The following GUCA1C variants were observed in gnomAD, a reference collection of about 807,000 sequenced individuals.
GUCA1C encodes guanylate cyclase activator 1C, also known as guanylyl cyclase-activating protein 3.
Under a neutral mutation model 16.2 loss-of-function variants are expected in GUCA1C, and 15 were observed. That is an observed-to-expected ratio of 0.93 (90% CI 0.62 to 1.43). The LOEUF (loss-of-function observed/expected upper bound fraction) is 1.43, where lower values mean the gene tolerates loss of function less well. GUCA1C is among the 40% of genes most tolerant of loss of function. The pLI, the probability that GUCA1C is intolerant of heterozygous loss-of-function variation, is 0.00. For synonymous variants in GUCA1C, 78 were observed against 85.4 expected, an observed-to-expected ratio of 0.91 and a Z score of 0.48; for missense variants, 275 against 244.8, an observed-to-expected ratio of 1.12 and a Z score of -0.82.
chr3:108,949,533 G>A (rs6787981), intron 1 of GUCA1C, among the ~76,000 whole-genome samples: 4,755 of 152,256 alleles, frequency 0.031, 232 homozygotes, highest in African/African-American at 0.11. Flanking sequence ...CAGGCAGCAT[G>A]GACTCAGGGC....
intron 1 of GUCA1C, among the ~76,000 whole-genome samples, chr3:108,952,566 C>A (rs1946905314): frequency 6.6e-6 from 1 of 152,110 alleles, no homozygotes; most frequent in South Asian, 2.1e-4. Context: ...TGCCTGTTAC[C>A]TCCTTTTAAG....
chr3:108,928,093 C>T (rs1231695153), intron 1 of GUCA1C, among the ~76,000 whole-genome samples: 2 of 152,162 alleles, frequency 1.3e-5, no homozygotes, highest in African/African-American at 4.8e-5. Flanking sequence ...TGGATACCAC[C>T]ACAGTTTTTC....
intron 1 of GUCA1C, among the ~76,000 whole-genome samples, chr3:108,923,561 G>A (rs1946590996): frequency 6.6e-6 from 1 of 152,140 alleles, no homozygotes; most frequent in Non-Finnish European, 1.5e-5. Context: ...TGGCCTTATA[G>A]TATAATTTGA....
At chr3:108,908,361 A>AC (rs1434658798) in intron 3 of GUCA1C, 152 bp from the exon 4 acceptor site, 3 of 477,074 alleles carry the variant, frequency 6.3e-6, no homozygotes, top group South Asian at 4.3e-5. Context: ...TTAAACAAAA[A>AC]AAAAAAAAAA....
intron 1 of GUCA1C, among the ~76,000 whole-genome samples, chr3:108,925,904 T>C (rs902663556): frequency 7.9e-5 from 12 of 152,098 alleles, no homozygotes; most frequent in African/African-American, 2.9e-4. Flanking sequence ...CTGACCAACA[T>C]GGTGAAACCC....
chr3:108,926,977 T>C (rs1024808803), intron 1 of GUCA1C, among the ~76,000 whole-genome samples: 2 of 152,208 alleles, frequency 1.3e-5, no homozygotes, highest in Admixed American at 1.3e-4. Context: ...GTATCTTTCC[T>C]TCATTTATGA....
chr3:108,949,322 T>C (rs1304538768), intron 1 of GUCA1C, among the ~76,000 whole-genome samples: 4 of 152,148 alleles, frequency 2.6e-5, no homozygotes, highest in Non-Finnish European at 5.9e-5. Context: ...TGTCAGACCA[T>C]GGTGTCAATC....
upstream of GUCA1C, among the ~76,000 whole-genome samples, chr3:108,954,297 T>A: frequency 6.6e-6 from 1 of 152,308 alleles, no homozygotes; most frequent in South Asian, 2.1e-4. Context: ...GAAAAAATCA[T>A]ACATTGAGTA....
At chr3:108,949,048 A>G (rs1304562763) in intron 1 of GUCA1C, among the ~76,000 whole-genome samples, 1 of 152,082 alleles carries the variant, frequency 6.6e-6, no homozygotes, top group African/African-American at 2.4e-5. Flanking sequence ...GGATTTCATC[A>G]TGCTGGCCAG....
chr3:108,940,566 G>A (rs933426053), intron 1 of GUCA1C, among the ~76,000 whole-genome samples: 1 of 152,230 alleles, frequency 6.6e-6, no homozygotes, highest in Non-Finnish European at 1.5e-5. Flanking sequence ...GCCATTGCAA[G>A]GGGCAAATGT....
chr3:108,926,939 C>T (rs910707811), intron 1 of GUCA1C, among the ~76,000 whole-genome samples: 2 of 152,128 alleles, frequency 1.3e-5, no homozygotes, highest in African/African-American at 4.8e-5. Flanking sequence ...GGAGAATTCT[C>T]TCAGTATTTG....
Position 108,920,536 on chromosome 3 carries a change from A to C in GUCA1C, c.254T>G (p.Met85Arg), listed in dbSNP as rs754767660. The change falls in exon 2 of 4, where the codon ATG becomes AGG. Residue 85 changes from methionine (M) to arginine (R), a missense_variant. Transcript: ENST00000261047. ...TAATTTTTGCTCCATTTTTTCTTGC[A>C]TGATTAGATTTACAGCAGCAATAAA... ...LEFIAAVNLIMQEKMEQKLKW... is the reference protein window; with the variant it reads ...LEFIAAVNLIRQEKMEQKLKW... The C allele has an allele frequency of 9.5e-6, 15 of 1,581,182 alleles. No homozygotes were observed. In the Admixed American group the frequency reaches 2.0e-4, roughly 21 times the overall value.
Position 108,907,831 on chromosome 3 carries a change from C to A in GUCA1C, c.*191G>T. ...TATGTTTTAATCTGCAGAGACAGCA[C>A]AGAAAAGCAACAATGCATCTGTTTA... is the stretch of plus-strand genomic sequence containing the variant. On this transcript the variant is annotated 3_prime_UTR_variant, in exon 4 of 4. Coordinates refer to ENST00000261047, the MANE Select transcript of GUCA1C (RefSeq NM_005459.4). The A allele has an allele frequency of 1.8e-6, 1 of 541,478 alleles. No homozygotes were observed. The highest frequency in any genetic ancestry group is 3.3e-6 in the Non-Finnish European group (1 of 307,258). 33.5% of individuals were successfully genotyped at this position (541,478 alleles called of 1,614,324 possible). A position where few individuals can be genotyped will look rare whatever the true frequency, so the allele number is the denominator to read the frequency against.
intron 1 of GUCA1C, among the ~76,000 whole-genome samples, chr3:108,923,152 C>T (rs763930698): frequency 1.3e-5 from 2 of 152,112 alleles, no homozygotes; most frequent in African/African-American, 2.4e-5. Context: ...TTATTTCTTT[C>T]GCTGCAGAAG....
At chr3:108,943,207 AAG>A (rs957146085) in intron 1 of GUCA1C, among the ~76,000 whole-genome samples, 14 of 152,140 alleles carry the variant, frequency 9.2e-5, no homozygotes, top group African/African-American at 3.1e-4. Flanking sequence ...TAAGGGAAGG[AAG>A]AGAGAGTTGC....
intron 1 of GUCA1C, among the ~76,000 whole-genome samples, chr3:108,932,473 C>A (rs747232057): frequency 6.6e-6 from 1 of 152,118 alleles, no homozygotes; most frequent in African/African-American, 2.4e-5. Flanking sequence ...TAATCCACAC[C>A]TTTCTCTGTA....
At chr3:108,940,314 T>G (rs947758195) in intron 1 of GUCA1C, among the ~76,000 whole-genome samples, 1 of 152,210 alleles carries the variant, frequency 6.6e-6, no homozygotes, top group Non-Finnish European at 1.5e-5. Context: ...TACAGCGTTA[T>G]AGGTTGCAGG....
chr3:108,915,498 T>C (rs910261795), intron 3 of GUCA1C, among the ~76,000 whole-genome samples: 1 of 152,152 alleles, frequency 6.6e-6, no homozygotes, highest in African/African-American at 2.4e-5. Flanking sequence ...CTGTGTCTTC[T>C]CTCTTCACTC....
At chr3:108,950,208 G>T (rs759944631) in intron 1 of GUCA1C, among the ~76,000 whole-genome samples, 2 of 152,148 alleles carry the variant, frequency 1.3e-5, no homozygotes, top group African/African-American at 2.4e-5. Context: ...TATGTTGCTG[G>T]AAATGACAGG....
Sources: gnomAD v4.1 joint callset for allele counts (sites outside exome capture counted in the v4.1 genomes callset) on GRCh38, gnomAD v4.1.1 for gene constraint, MANE v1.5 for transcripts, NCBI Gene and HGNC (gene_info 2026-07-23, HGNC 2026-07-21) for gene names.